SRPK2: variants seen among roughly 807,000 people sequenced by gnomAD.
SRPK2 encodes SFRS protein kinase 2.
SRPK2 carries 21 observed loss-of-function variants against 90.8 expected under a neutral mutation model. The observed-to-expected ratio is 0.23, with a 90% CI of 0.16 to 0.33. The LOEUF is 0.33. SRPK2 is among the 10% of genes least tolerant of loss of function. SRPK2 has a pLI of 1.00. For synonymous variants in SRPK2, 288 were observed against 311.1 expected (o/e 0.93, Z 0.78); for missense variants, 620 against 869.0 (o/e 0.71, Z 3.60).
intron 13 of SRPK2, 23 bp from the exon 14 acceptor site, chr7:105,127,085 C>T (rs1383573610): frequency 1.2e-6 from 2 of 1,613,510 alleles, no homozygotes; most frequent in Admixed American, 1.7e-5. Context: ...AGACGACATG[C>T]TAAGCACTTC....
chr7:105,280,678 T>G (rs1322490615), intron 2 of SRPK2, among the ~76,000 whole-genome samples: 3 of 148,366 alleles, frequency 2.0e-5, no homozygotes, highest in East Asian at 4.0e-4. Flanking sequence ...CCGGGCACAG[T>G]GGCTCACCCC....
intron 2 of SRPK2, among the ~76,000 whole-genome samples, chr7:105,326,446 T>C (rs1417629083): frequency 3.3e-5 from 5 of 152,228 alleles, no homozygotes; most frequent in African/African-American, 4.8e-5. Flanking sequence ...GCAAGTTTAC[T>C]TTCTTTTTCA....
At chr7:105,154,261 T>C (rs2129579899) in intron 7 of SRPK2, among the ~76,000 whole-genome samples, 1 of 152,286 alleles carries the variant, frequency 6.6e-6, no homozygotes, top group East Asian at 1.9e-4. Context: ...AGCAGCTTAG[T>C]CCCTTGAAAC....
intron 3 of SRPK2, among the ~76,000 whole-genome samples, chr7:105,173,167 G>A (rs114895621): frequency 0.012 from 1,899 of 152,098 alleles, 26 homozygotes; most frequent in African/African-American, 0.037. Context: ...AGGCTGGAGT[G>A]CAGTAGAGCA....
chr7:105,129,841 C>T (rs1176667329), intron 13 of SRPK2, among the ~76,000 whole-genome samples: 1 of 152,162 alleles, frequency 6.6e-6, no homozygotes, highest in Admixed American at 6.5e-5. Flanking sequence ...TATCCCGATT[C>T]TGAACAAATA....
upstream of SRPK2, chr7:105,389,036 C>CGCGCCCA: frequency 2.1e-6 from 2 of 970,516 alleles, no homozygotes; most frequent in Non-Finnish European, 2.4e-6. Flanking sequence ...CCCAGCGCCG[C>CGCGCCCA]GCGCCCAGCG....
chr7:105,334,512 C>T (rs566600715), intron 2 of SRPK2, among the ~76,000 whole-genome samples: 19 of 152,166 alleles, frequency 1.2e-4, no homozygotes, highest in South Asian at 4.2e-4. Flanking sequence ...TGAGCCACTG[C>T]GCCTAGCCCT....
chr7:105,201,646 A>AC (rs1319228502), intron 3 of SRPK2, among the ~76,000 whole-genome samples: 3 of 151,718 alleles, frequency 2.0e-5, no homozygotes, highest in South Asian at 2.1e-4. Flanking sequence ...AAAAAAAAAA[A>AC]AAACTTTTCA....
At chr7:105,313,741 ACT>A (rs1316230690) in intron 2 of SRPK2, among the ~76,000 whole-genome samples, 3 of 152,050 alleles carry the variant, frequency 2.0e-5, no homozygotes, top group Admixed American at 6.6e-5. Flanking sequence ...ACAGAGCGAG[ACT>A]CTGTCTCAAA....
At chr7:105,236,001 T>G (rs1387443242) in intron 2 of SRPK2, among the ~76,000 whole-genome samples, 2 of 152,188 alleles carry the variant, frequency 1.3e-5, no homozygotes, top group African/African-American at 2.4e-5. Flanking sequence ...AAACTTGAAA[T>G]AGGCCTGAAT....
At chr7:105,170,943 G>GA (rs1282236956) in intron 3 of SRPK2, among the ~76,000 whole-genome samples, 3 of 35,086 alleles carry the variant, frequency 8.6e-5, no homozygotes, top group Admixed American at 5.1e-4. Flanking sequence ...AGGAAAGAAA[G>GA]AAAGAAAGAA....
At chr7:105,351,612 T>G (rs559581443) in intron 2 of SRPK2, among the ~76,000 whole-genome samples, 3 of 151,762 alleles carry the variant, frequency 2.0e-5, no homozygotes, top group Non-Finnish European at 4.4e-5. Context: ...AGACCAGCCT[T>G]GCCAAAATGG....
intron 2 of SRPK2, among the ~76,000 whole-genome samples, chr7:105,288,760 C>A (rs1320628876): frequency 6.6e-6 from 1 of 152,092 alleles, no homozygotes; most frequent in African/African-American, 2.4e-5. Flanking sequence ...AACTCCAAGT[C>A]TATAAGTAGA....
intron 1 of SRPK2, among the ~76,000 whole-genome samples, chr7:105,397,331 CTTTT>C (rs1301286455): frequency 1.5e-5 from 2 of 135,018 alleles, no homozygotes. Context: ...GAGTGACTTT[CTTTT>C]TTTTTTTTTT....
At chr7:105,225,541 T>C (rs766914153) in intron 2 of SRPK2, among the ~76,000 whole-genome samples, 10 of 152,110 alleles carry the variant, frequency 6.6e-5, no homozygotes, top group African/African-American at 9.7e-5. Context: ...CACTTTTAAG[T>C]ATGACACATA....
intron 2 of SRPK2, among the ~76,000 whole-genome samples, chr7:105,322,724 A>G (rs367565506): frequency 6.7e-6 from 1 of 150,104 alleles, no homozygotes; most frequent in East Asian, 2.0e-4. Flanking sequence ...GGTGAATTTC[A>G]TATTATGTGA....
intron 2 of SRPK2, among the ~76,000 whole-genome samples, chr7:105,332,410 A>T (rs1814531630): frequency 6.6e-6 from 1 of 152,176 alleles, no homozygotes; most frequent in Non-Finnish European, 1.5e-5. Flanking sequence ...CCTAACCTTA[A>T]AACTAACTGC....
chr7:105,290,545 A>G (rs959696533), intron 2 of SRPK2, among the ~76,000 whole-genome samples: 3 of 152,140 alleles, frequency 2.0e-5, no homozygotes, highest in African/African-American at 7.2e-5. Flanking sequence ...AAGTGCAACA[A>G]AATGAAGTAT....
At chr7:105,183,655 T>A (rs1034239556) in intron 3 of SRPK2, among the ~76,000 whole-genome samples, 6 of 151,628 alleles carry the variant, frequency 4.0e-5, no homozygotes, top group Admixed American at 3.9e-4. Context: ...CCTGGCTAAT[T>A]TTTTTGTATT....
Sources: gnomAD v4.1 joint callset for allele counts (sites outside exome capture counted in the v4.1 genomes callset) on GRCh38, gnomAD v4.1.1 for gene constraint, MANE v1.5 for transcripts, NCBI Gene and HGNC (gene_info 2026-07-23, HGNC 2026-07-21) for gene names.